PTPA: variants seen among roughly 807,000 people sequenced by gnomAD.
PTPA encodes serine/threonine-protein phosphatase 2A activator.
Under a neutral mutation model 43.6 loss-of-function variants are expected in PTPA, and 13 were observed. The ratio of observed to expected loss-of-function variants is 0.30; its 90% CI spans 0.19 to 0.47. The LOEUF (loss-of-function observed/expected upper bound fraction) is 0.47, where lower values mean the gene tolerates loss of function less well. Ranked by LOEUF, PTPA falls within the 20% of genes least tolerant of loss-of-function variation. PTPA has a pLI of 0.99. For synonymous variants in PTPA, 172 were observed against 158.2 expected (o/e 1.09, Z -0.66); for missense variants, 329 against 411.9 (o/e 0.80, Z 1.74).
intron 1 of PTPA, 159 bp downstream of exon 1, chr9:129,111,790 A>T: frequency 3.7e-5 from 42 of 1,127,296 alleles, no homozygotes; most frequent in Middle Eastern, 3.7e-4. Flanking sequence ...CTTAGGGGAG[A>T]GGTGGGTGGT....
chr9:129,127,171 C>T (rs573670164), intron 3 of PTPA, among the ~76,000 whole-genome samples: 2 of 152,310 alleles, frequency 1.3e-5, no homozygotes, highest in East Asian at 3.9e-4. Context: ...TATCCTCTTA[C>T]AGGCTACTTT....
chr9:129,135,770 G>C (rs567870117), intron 6 of PTPA, among the ~76,000 whole-genome samples: 1 of 152,340 alleles, frequency 6.6e-6, no homozygotes, highest in South Asian at 2.1e-4. Context: ...ATGCTTCACA[G>C]GTGGTTGATA....
chr9:129,147,017 G>A (rs1444152457), intron 9 of PTPA, among the ~76,000 whole-genome samples: 2 of 152,196 alleles, frequency 1.3e-5, no homozygotes, highest in East Asian at 1.9e-4. Context: ...ACGTTCAAAT[G>A]TCCCCACGTC....
At chr9:129,125,976 G>A (rs993797896) in intron 3 of PTPA, among the ~76,000 whole-genome samples, 6 of 151,798 alleles carry the variant, frequency 4.0e-5, no homozygotes, top group Admixed American at 2.0e-4. Flanking sequence ...GTGGAACCCC[G>A]TCTCTACTAA....
chr9:129,131,876 G>A (rs537336519), intron 5 of PTPA, among the ~76,000 whole-genome samples: 3 of 152,202 alleles, frequency 2.0e-5, no homozygotes, highest in African/African-American at 4.8e-5. Flanking sequence ...CTGATGCCCC[G>A]TGCATGGTGC....
Position 129,129,008 on chromosome 9 carries a change from T to A in PTPA, c.240T>A (p.Leu80=). Residue 80 remains leucine, a synonymous_variant, in exon 4 of 10, where the codon CTT becomes CTA. Coordinates refer to ENST00000393370, the MANE Select transcript of PTPA (RefSeq NM_178000.3). ...AGGCCATTGAGAAACTAGTCGCTCT[T>A]CTCAACACGCTGGACAGGTGGATTG... ...VSEAIEKLVA[L]LNTLDRWIDE... is the part of the protein sequence containing the mutation. 6 of 1,613,182 alleles carry A rather than the reference T, an allele frequency of 3.7e-6. No individual in the cohort carries two copies. Among genetic ancestry groups the A allele is most frequent in the African/African-American group, 1.3e-5 (1 of 75,004 alleles).
upstream of PTPA, chr9:129,111,326 C>T (rs1848456611): frequency 6.0e-6 from 7 of 1,170,824 alleles, no homozygotes; most frequent in East Asian, 4.0e-5. Context: ...GCATGCGCCC[C>T]GCGCGCCCCG....
intron 4 of PTPA, among the ~76,000 whole-genome samples, chr9:129,129,651 C>T (rs920276692): frequency 3.3e-5 from 5 of 151,568 alleles, no homozygotes; most frequent in East Asian, 1.9e-4. Context: ...TTGTATTTTT[C>T]GTAGAGACGG....
chr9:129,143,414 C>G, intron 9 of PTPA: 2 of 703,028 alleles, frequency 2.8e-6, no homozygotes, highest in Non-Finnish European at 5.2e-6. Flanking sequence ...AGACACTGTA[C>G]TGTGGGCACC....
chr9:129,113,734 C>T (rs1208147506), intron 1 of PTPA, among the ~76,000 whole-genome samples: 1 of 152,068 alleles, frequency 6.6e-6, no homozygotes, highest in African/African-American at 2.4e-5. Context: ...TGCTCCACTG[C>T]ACTCCAGCCA....
intron 4 of PTPA, among the ~76,000 whole-genome samples, chr9:129,129,821 C>T (rs1849838805): frequency 1.3e-5 from 2 of 152,070 alleles, no homozygotes; most frequent in Non-Finnish European, 2.9e-5. Context: ...CATGTAATCT[C>T]AGAATTCGGG....
intron 8 of PTPA, 55 bp downstream of exon 8, chr9:129,137,747 C>A: frequency 2.8e-6 from 4 of 1,452,230 alleles, no homozygotes; most frequent in South Asian, 1.2e-5. Flanking sequence ...TCAGATGAAC[C>A]AAGGCTGGTG....
chr9:129,122,468 T>C (rs1849308514), intron 2 of PTPA, among the ~76,000 whole-genome samples: 1 of 152,164 alleles, frequency 6.6e-6, no homozygotes, highest in Non-Finnish European at 1.5e-5. Flanking sequence ...AGTGTCTAGT[T>C]GAAAGCTGGG....
intron 1 of PTPA, among the ~76,000 whole-genome samples, chr9:129,117,029 C>T (rs997353687): frequency 6.6e-6 from 1 of 152,108 alleles, no homozygotes; most frequent in African/African-American, 2.4e-5. Context: ...ATTAATTACA[C>T]ATCATCTTAT....
At chr9:129,111,680 G>A in intron 1 of PTPA, 49 bp downstream of exon 1, 1 of 1,264,588 alleles carries the variant, frequency 7.9e-7, no homozygotes, top group Non-Finnish European at 1.0e-6. Context: ...GGGTGGGGGC[G>A]GTGCCAGGTG....
intron 9 of PTPA, among the ~76,000 whole-genome samples, chr9:129,144,384 G>A (rs1488229571): frequency 1.3e-5 from 2 of 152,090 alleles, no homozygotes; most frequent in Admixed American, 6.6e-5. Context: ...TGAGGCCGGC[G>A]CTGTGTGGGG....
intron 8 of PTPA, chr9:129,139,903 C>T (rs1850644598): frequency 2.0e-5 from 3 of 152,168 alleles, no homozygotes; most frequent in South Asian, 2.1e-4. Context: ...CCTCTACAGC[C>T]TCTGTAAATG....
chr9:129,136,006 C>T (rs1360208539), intron 6 of PTPA, among the ~76,000 whole-genome samples: 1 of 152,142 alleles, frequency 6.6e-6, no homozygotes, highest in African/African-American at 2.4e-5. Flanking sequence ...CTTGCTCTGT[C>T]GCCCAGGCTG....
rs969924901 is a variant in PTPA, at chr9:129,143,451, C to G, written c.894+899C>G. 3.3e-5 allele frequency: 23 copies of G among 702,818 alleles called. No homozygotes were observed. In the East Asian group the frequency reaches 5.9e-4, roughly 18 times the overall value. 43.5% of individuals were successfully genotyped at this position (702,818 alleles called of 1,614,324 possible). ...TCTCTTGACTCCTGGCCGGCCTTCT[C>G]TTCTGGGAAGGGGCTGCTCCAGGTC... On this transcript the variant is annotated intron_variant, in intron 9 of 9. Coordinates refer to ENST00000393370, the MANE Select transcript of PTPA (RefSeq NM_178000.3).
Sources: gnomAD v4.1 joint callset for allele counts (sites outside exome capture counted in the v4.1 genomes callset) on GRCh38, gnomAD v4.1.1 for gene constraint, MANE v1.5 for transcripts, NCBI Gene and HGNC (gene_info 2026-07-23, HGNC 2026-07-21) for gene names.